The following STK40 variants were observed in gnomAD, a reference collection of about 807,000 sequenced individuals.
STK40 encodes the protein serine/threonine kinase 40.
STK40 carries 13 observed loss-of-function variants against 47.9 expected under a neutral mutation model. The ratio of observed to expected loss-of-function variants is 0.27; its 90% CI spans 0.18 to 0.43. The LOEUF (loss-of-function observed/expected upper bound fraction) is 0.43. STK40 is among the 20% of genes least tolerant of loss of function. The pLI, the probability that STK40 is intolerant of heterozygous loss-of-function variation, is 1.00. For synonymous variants in STK40, 225 were observed against 243.2 expected, an observed-to-expected ratio of 0.93 and a Z score of 0.69; for missense variants, 460 against 595.1, an observed-to-expected ratio of 0.77 and a Z score of 2.36.
chr1:36,349,260 TTGGAAGGTGACCCAAGGG>T (rs1646730426), intron 6 of STK40, among the ~76,000 whole-genome samples: 1 of 152,216 alleles, frequency 6.6e-6, no homozygotes, highest in Non-Finnish European at 1.5e-5. Context: ...TGACTCCACC[TTGGAAGGTGACCCAAGGG>T]CTGGCCCCGA....
intron 1 of STK40, among the ~76,000 whole-genome samples, chr1:36,369,707 T>C (rs1646929508): frequency 6.6e-6 from 1 of 152,202 alleles, no homozygotes; most frequent in South Asian, 2.1e-4. Flanking sequence ...CCTCCCACTG[T>C]GCTGCAACCA....
Position 36,343,399 on chromosome 1 carries a change from C to T in STK40, c.1054G>A (p.Asp352Asn). Residue 352 changes from aspartate (D) to asparagine (N), a missense_variant, in exon 10 of 11, where the codon GAT becomes AAT. Coordinates refer to ENST00000373132, the MANE Select transcript of STK40 (RefSeq NM_001282547.2). ...SGPLQVVPDI[D>N]DQMSNADSSQ... is the part of the protein sequence containing the mutation. ...CTATCCGCATTGCTCATTTGGTCAT[C>T]AATGTCAGGAACCACTTGCAAAGGC... is the stretch of plus-strand genomic sequence containing the variant. 6.2e-7 allele frequency: 1 copy of T among 1,613,746 alleles called. No individual in the cohort carries two copies.
chr1:36,349,079 T>C (rs1164650689), intron 6 of STK40, among the ~76,000 whole-genome samples: 1 of 152,126 alleles, frequency 6.6e-6, no homozygotes. Flanking sequence ...GCACAGGCCA[T>C]CCCTGGACCT....
chr1:36,361,133 C>T lies in STK40; in HGVS notation c.112+88G>A. On this transcript the variant is annotated intron_variant, in intron 2 of 10. Transcript: ENST00000373132. ...ACTGCTGTGGGTGGGCCACCTCACT[C>T]TGATGTCTGTAGGTCAGATCATGCG... 2.6e-6 allele frequency: 4 copies of T among 1,522,684 alleles called. No individual in the cohort carries two copies. In the South Asian group the frequency reaches 4.7e-5, roughly 18 times the overall value. The allele number at this position is 1,522,684 out of a possible 1,614,324, so 94.3% of individuals were successfully genotyped here. A position where few individuals can be genotyped will look rare whatever the true frequency, so the allele number is the denominator to read the frequency against.
At chr1:36,378,083 GT>G (rs887147845) in intron 1 of STK40, among the ~76,000 whole-genome samples, 60 of 152,216 alleles carry the variant, frequency 3.9e-4, no homozygotes, top group African/African-American at 1.4e-3. Context: ...TAACTGCATG[GT>G]TGCAAGTCTC....
intron 1 of STK40, among the ~76,000 whole-genome samples, chr1:36,362,003 A>G (rs1646856732): frequency 6.6e-6 from 1 of 152,170 alleles, no homozygotes; most frequent in African/African-American, 2.4e-5. Context: ...CTTCCCTCAT[A>G]AACTCAAACT....
Position 36,340,743 on chromosome 1 carries a change from TCAC to T in STK40, c.*1009_*1011del, listed in dbSNP as rs1164278504. 2 of 151,658 alleles carry T rather than the reference TCAC, an allele frequency of 1.3e-5. No homozygotes were observed. Among genetic ancestry groups the T allele is most frequent in the African/African-American group, 4.9e-5 (2 of 41,150 alleles). The allele number at this position is 151,658 out of a possible 1,614,324, so 9.4% of individuals were successfully genotyped here. On this transcript the variant is annotated 3_prime_UTR_variant, in exon 11 of 11. Transcript: ENST00000373132. ...CCCTTGCTAGGGTCTACCGGGAGAGTCACCACATCTATTATGAGGCAAGGGCAC... is the reference window on the plus strand; with the variant it reads ...CCCTTGCTAGGGTCTACCGGGAGAGTCACATCTATTATGAGGCAAGGGCAC...
chr1:36,359,745 T>C (rs191774804), intron 2 of STK40, among the ~76,000 whole-genome samples: 434 of 152,308 alleles, frequency 2.8e-3, no homozygotes, highest in African/African-American at 9.2e-3. Context: ...CCCAAACTCC[T>C]TTGTCTGGCC....
At chr1:36,366,791 T>C (rs1646905870) in intron 1 of STK40, among the ~76,000 whole-genome samples, 1 of 151,520 alleles carries the variant, frequency 6.6e-6, no homozygotes, top group African/African-American at 2.4e-5. Context: ...TGCTTAGCAG[T>C]CTCCGGAGCT....
chr1:36,382,380 T>C (rs1358477864), intron 1 of STK40, among the ~76,000 whole-genome samples: 2 of 152,116 alleles, frequency 1.3e-5, no homozygotes, highest in Admixed American at 6.5e-5. Flanking sequence ...GGTTTCGCCA[T>C]GTTGCCCAGA....
intron 1 of STK40, among the ~76,000 whole-genome samples, chr1:36,381,752 G>A (rs1167245938): frequency 6.6e-6 from 1 of 152,098 alleles, no homozygotes; most frequent in Non-Finnish European, 1.5e-5. Context: ...GCCTCCCAAA[G>A]TGTTGGGATT....
In STK40 at chr1:36,369,489, T is replaced by C. The variant is rs1183918816; in HGVS notation, c.-8-8149A>G. 3.9e-5 allele frequency among the ~76,000 whole-genome samples: 6 copies of C among 152,264 alleles called. No homozygotes were observed. The South Asian group carries it at 8.3e-4, about 21-fold the overall frequency. Reference sequence around the variant, plus strand: ...CTTCTCCAGCCTCACTGCCTTTATATGCACCCTAAATCCAGCCACACCAAA... The same window carrying C: ...CTTCTCCAGCCTCACTGCCTTTATACGCACCCTAAATCCAGCCACACCAAA... On this transcript the variant is annotated intron_variant, in intron 1 of 10. Transcript: ENST00000373132.
At chr1:36,378,978 C>A (rs1647016396) in intron 1 of STK40, among the ~76,000 whole-genome samples, 2 of 152,174 alleles carry the variant, frequency 1.3e-5, no homozygotes, top group South Asian at 4.1e-4. Context: ...GGCCCAAGGT[C>A]CCCAAGGCGC....
At chr1:36,373,108 G>A (rs748274072) in intron 1 of STK40, among the ~76,000 whole-genome samples, 1 of 152,094 alleles carries the variant, frequency 6.6e-6, no homozygotes, top group Non-Finnish European at 1.5e-5. Flanking sequence ...CTTATTTTGT[G>A]ACTCTACACT....
intron 5 of STK40, 42 bp downstream of exon 5, chr1:36,355,164 C>G (rs367917186): frequency 6.2e-7 from 1 of 1,601,260 alleles, no homozygotes; most frequent in African/African-American, 1.3e-5. Flanking sequence ...AGAAAGGTGG[C>G]TTTCTGTGGC....
At chr1:36,372,766 G>A (rs1023739375) in intron 1 of STK40, 6 of 152,236 alleles carry the variant, frequency 3.9e-5, no homozygotes, top group African/African-American at 1.2e-4. Flanking sequence ...GCTGCCGAGC[G>A]GGGCCTCTCT....
intron 1 of STK40, among the ~76,000 whole-genome samples, chr1:36,365,228 G>A (rs540683522): frequency 6.6e-4 from 101 of 152,292 alleles, no homozygotes; most frequent in Non-Finnish European, 1.2e-3. Flanking sequence ...GACCTCAGGC[G>A]ATACGCCCGC....
chr1:36,370,327 AGT>A (rs553015011), intron 1 of STK40, among the ~76,000 whole-genome samples: 15 of 152,266 alleles, frequency 9.9e-5, no homozygotes, highest in African/African-American at 2.4e-4. Context: ...AGATGTGGGG[AGT>A]GTGTGAGTGG....
intron 4 of STK40, among the ~76,000 whole-genome samples, 191 bp from the exon 5 acceptor site, chr1:36,355,624 CTT>C (rs1189281587): frequency 6.6e-6 from 1 of 152,184 alleles, no homozygotes; most frequent in African/African-American, 2.4e-5. Flanking sequence ...TGTGCAGCCT[CTT>C]GTGTGCCAAA....
Sources: allele counts gnomAD v4.1 joint callset (sites outside exome capture counted in the v4.1 genomes callset), GRCh38; gene constraint gnomAD v4.1.1; transcripts MANE v1.5; gene names NCBI Gene and HGNC (gene_info 2026-07-23, HGNC 2026-07-21).